RBFOX3: variants seen among roughly 807,000 people sequenced by gnomAD.
RBFOX3 encodes the protein RNA binding protein fox-1 homolog 3.
A neutral mutation model predicts 48.7 loss-of-function variants in RBFOX3; 17 were observed. The ratio of observed to expected loss-of-function variants is 0.35; its 90% CI spans 0.24 to 0.52. RBFOX3 has a LOEUF of 0.52. Ranked by LOEUF, RBFOX3 falls within the 20% of genes least tolerant of loss-of-function variation. The pLI, the probability that RBFOX3 is intolerant of heterozygous loss-of-function variation, is 0.94. For missense variants in RBFOX3, 382 were observed against 497.5 expected, an observed-to-expected ratio of 0.77 and a Z score of 2.21; for synonymous variants, 212 against 209.5, an observed-to-expected ratio of 1.01 and a Z score of -0.10.
intron 3 of RBFOX3, among the ~76,000 whole-genome samples, chr17:79,251,868 G>A (rs1338628652): frequency 6.6e-6 from 1 of 152,188 alleles, no homozygotes; most frequent in Non-Finnish European, 1.5e-5. Context: ...CCAGGGGTCT[G>A]CCCTCAGGCT....
intron 1 of RBFOX3, among the ~76,000 whole-genome samples, chr17:79,555,302 T>G (rs2143832246): frequency 8.1e-5 from 3 of 37,098 alleles, no homozygotes; most frequent in Non-Finnish European, 1.2e-4. Flanking sequence ...ATGGTGGTGA[T>G]GATGGTAGTT....
At chr17:79,158,923 G>A (rs867046512) in intron 4 of RBFOX3, among the ~76,000 whole-genome samples, 1 of 152,300 alleles carries the variant, frequency 6.6e-6, no homozygotes, top group Middle Eastern at 3.4e-3. Flanking sequence ...GGGTGCAAAG[G>A]AAGGACAGTG....
intron 4 of RBFOX3, among the ~76,000 whole-genome samples, chr17:79,164,915 C>A (rs1010385253): frequency 9.9e-5 from 15 of 152,220 alleles, no homozygotes; most frequent in African/African-American, 2.9e-4. Context: ...CCCAAGGGAC[C>A]CAGCGTTTCA....
chr17:79,194,663 G>A (rs2055185575), intron 4 of RBFOX3, among the ~76,000 whole-genome samples: 1 of 151,978 alleles, frequency 6.6e-6, no homozygotes, highest in Admixed American at 6.6e-5. Context: ...TGTAGACCTG[G>A]TGCTGTTGAG....
At chr17:79,539,090 G>A (rs1363891910) in intron 1 of RBFOX3, among the ~76,000 whole-genome samples, 1 of 152,204 alleles carries the variant, frequency 6.6e-6, no homozygotes, top group Non-Finnish European at 1.5e-5. Context: ...GGTGGCTCAT[G>A]CCTGTAACCC....
At position 79,094,478 on chromosome 17, in the gene RBFOX3, G is replaced by A. The variant is rs779628911; in HGVS notation, c.1050C>T (p.Pro350=). ...AADPYHHTIG[P]AATYSIGTM ...TGGTTCCAATGCTGTAGGTCGCCGC[G>A]GGCCCGATGGTGTGATGGTACGGGT... is the stretch of plus-strand genomic sequence containing the variant. The change falls in exon 14 of 15, where the codon CCC becomes CCT. Residue 350 remains proline (P), a synonymous_variant. Transcript: ENST00000693108. 1.1e-5 allele frequency: 16 copies of A among 1,476,848 alleles called. 1 individual carries two copies. The highest frequency in any genetic ancestry group is 2.6e-5 in the Admixed American group (1 of 38,338). 91.5% of individuals were successfully genotyped at this position (1,476,848 alleles called of 1,614,324 possible).
At chr17:79,273,600 G>A (rs1482387942) in intron 3 of RBFOX3, among the ~76,000 whole-genome samples, 1 of 151,972 alleles carries the variant, frequency 6.6e-6, no homozygotes, top group East Asian at 1.9e-4. Flanking sequence ...CTAGCAGATG[G>A]GGCTAGTCCT....
At chr17:79,486,408 C>T (rs1484088652) in intron 1 of RBFOX3, among the ~76,000 whole-genome samples, 1 of 152,174 alleles carries the variant, frequency 6.6e-6, no homozygotes, top group Middle Eastern at 3.2e-3. Flanking sequence ...CAGCAGAGCA[C>T]ACAGGGACAC....
upstream of RBFOX3, among the ~76,000 whole-genome samples, chr17:79,611,149 T>C (rs2093962205): frequency 1.3e-4 from 4 of 31,700 alleles, no homozygotes; most frequent in South Asian, 5.4e-3. Flanking sequence ...TCTCTCTCTC[T>C]CTCTCTCTCT....
the RBFOX3 span, among the ~76,000 whole-genome samples, chr17:79,625,316 C>T: frequency 6.6e-6 from 1 of 152,186 alleles, no homozygotes; most frequent in African/African-American, 2.4e-5. Context: ...CCCAGAGATG[C>T]GGCCATGCCC....
chr17:79,329,518 T>A (rs148383807), intron 2 of RBFOX3, among the ~76,000 whole-genome samples: 119 of 152,232 alleles, frequency 7.8e-4, no homozygotes, highest in East Asian at 5.8e-4. Context: ...GAGAACTTCC[T>A]TCATTAAAGG....
At chr17:79,280,229 GCACACATGCA>G (rs374298765) in intron 3 of RBFOX3, among the ~76,000 whole-genome samples, 223 of 53,210 alleles carry the variant, frequency 4.2e-3, no homozygotes, top group African/African-American at 0.02. Context: ...GCACACACAC[GCACACATGCA>G]CACACACACA....
intron 3 of RBFOX3, among the ~76,000 whole-genome samples, chr17:79,253,039 C>T (rs971380444): frequency 6.6e-6 from 1 of 152,188 alleles, no homozygotes; most frequent in African/African-American, 2.4e-5. Context: ...CGGGGTGGTG[C>T]TGTGTGGGAA....
chr17:79,607,962 T>C (rs1211195773), intron 1 of RBFOX3, among the ~76,000 whole-genome samples: 7 of 152,186 alleles, frequency 4.6e-5, no homozygotes, highest in African/African-American at 7.2e-5. Flanking sequence ...GGAGGCCTCC[T>C]TGCTGTAATT....
At chr17:79,472,362 C>T (rs1008572202) in intron 2 of RBFOX3, among the ~76,000 whole-genome samples, 2 of 152,106 alleles carry the variant, frequency 1.3e-5, no homozygotes, top group Non-Finnish European at 2.9e-5. Flanking sequence ...TGAATCATGC[C>T]CTCTCAAAAT....
In RBFOX3 at chr17:79,150,263, G is replaced by C. The variant is rs546868359; in HGVS notation, c.-33-34515C>G. On this transcript the variant is annotated intron_variant, in intron 4 of 14. Coordinates refer to ENST00000693108, the MANE Select transcript of RBFOX3 (RefSeq NM_001350451.2). The stretch of plus-strand genomic sequence containing the variant: ...AGGCCCTCAAGGCACAAAGCCTCGT[G>C]GGGGGTCCTGGCTGGGGCCCAGGCC... Among the ~76,000 whole-genome samples, 25 of 152,110 alleles carry C rather than the reference G, an allele frequency of 1.6e-4. No individual in the cohort carries two copies. The South Asian group carries it at 5.0e-3, about 30-fold the overall frequency.
At chr17:79,612,328 G>A (rs908755922), upstream of RBFOX3, among the ~76,000 whole-genome samples, 14 of 152,230 alleles carry the variant, frequency 9.2e-5, 1 homozygote, top group South Asian at 1.9e-3. Flanking sequence ...CCTCCTCCTC[G>A]CACCTGACTG....
At position 79,477,143 on chromosome 17, in the gene RBFOX3, G is replaced by C. The variant is rs1040151395; in HGVS notation, c.-175+5311C>G. Among the ~76,000 whole-genome samples the C allele has an allele frequency of 0.014, 2,054 of 150,440 alleles. 54 individuals are homozygous for C. Among genetic ancestry groups the C allele is most frequent in the African/African-American group, 0.047 (1,932 of 40,894 alleles). ...AGTTACTCGGGAAGCTGAGGCAGGA[G>C]AATCTCTTAAACCCAGGAGGTAGAG... is the stretch of plus-strand genomic sequence containing the variant. On this transcript the variant is annotated intron_variant, in intron 2 of 14. Coordinates refer to ENST00000693108, the MANE Select transcript of RBFOX3 (RefSeq NM_001350451.2). The surrounding 1 kb of genome is among the most constrained non-coding windows in gnomAD (Gnocchi z 4.8).
At chr17:79,653,801 G>A in the RBFOX3 span, among the ~76,000 whole-genome samples, 1 of 149,010 alleles carries the variant, frequency 6.7e-6, no homozygotes, top group Non-Finnish European at 1.5e-5. Flanking sequence ...CCAGCACTTT[G>A]GGAGGCTGAG....
Sources: allele counts gnomAD v4.1 joint callset (sites outside exome capture counted in the v4.1 genomes callset), GRCh38; gene constraint gnomAD v4.1.1; non-coding constraint Gnocchi (gnomAD v3.1); transcripts MANE v1.5; gene names NCBI Gene and HGNC (gene_info 2026-07-23, HGNC 2026-07-21).